The following PPARGC1B variants were observed in gnomAD, a reference collection of about 807,000 sequenced individuals.
PPARGC1B encodes the protein peroxisome proliferator-activated receptor gamma coactivator 1-beta.
PPARGC1B carries 34 observed loss-of-function variants against 101.6 expected under a neutral mutation model. That is an observed-to-expected ratio of 0.33 (90% confidence interval 0.25 to 0.45). The LOEUF is 0.45. Ranked by LOEUF, PPARGC1B falls within the 20% of genes least tolerant of loss-of-function variation. The probability of loss-of-function intolerance (pLI) is 1.00; values close to 1 mark genes in which losing one functional copy is unlikely to be tolerated. For missense variants in PPARGC1B, 1,234 were observed against 1,317.6 expected (o/e 0.94, Z 0.98); for synonymous variants, 548 against 539.3 (o/e 1.02, Z -0.22).
chr5:149,835,487 G>A (rs770809839), intron 7 of PPARGC1B, 122 bp downstream of exon 7: 94 of 844,622 alleles, frequency 1.1e-4, no homozygotes, highest in Non-Finnish European at 1.8e-4. Context: ...CTGCCTTCAC[G>A]GGGCTTATGT....
chr5:149,787,754 T>C (rs1756866625), intron 1 of PPARGC1B, among the ~76,000 whole-genome samples: 1 of 152,198 alleles, frequency 6.6e-6, no homozygotes, highest in Non-Finnish European at 1.5e-5. Flanking sequence ...TGGACTGGGC[T>C]ATGAGCACCC....
chr5:149,749,580 A>G (rs1368108686), intron 1 of PPARGC1B, among the ~76,000 whole-genome samples: 5 of 152,228 alleles, frequency 3.3e-5, no homozygotes, highest in African/African-American at 1.2e-4. Context: ...TGCAACTGTG[A>G]AACGCCCCCA....
chr5:149,798,602 TGG>T (rs1757316481), intron 1 of PPARGC1B, among the ~76,000 whole-genome samples: 1 of 152,180 alleles, frequency 6.6e-6, no homozygotes, highest in South Asian at 2.1e-4. Flanking sequence ...CCTAGGGCCA[TGG>T]GGTGGCCTGA....
chr5:149,808,446 A>T (rs1456154353), intron 1 of PPARGC1B, among the ~76,000 whole-genome samples: 3 of 152,032 alleles, frequency 2.0e-5, no homozygotes, highest in African/African-American at 7.2e-5. Flanking sequence ...GCAACTGATA[A>T]AATGTTGCTC....
intron 3 of PPARGC1B, among the ~76,000 whole-genome samples, chr5:149,830,469 G>A (rs1758736423): frequency 6.6e-6 from 1 of 152,106 alleles, no homozygotes; most frequent in African/African-American, 2.4e-5. Flanking sequence ...CAGTAGAATA[G>A]ACAGACGTTA....
At chr5:149,819,793 A>G (rs1304496778) in intron 1 of PPARGC1B, among the ~76,000 whole-genome samples, 1 of 152,234 alleles carries the variant, frequency 6.6e-6, no homozygotes, top group African/African-American at 2.4e-5. Context: ...ATGAGCCACC[A>G]TGCCCGGCCC....
Position 149,840,132 on chromosome 5 carries a change from G to T in PPARGC1B, c.2694+16G>T, listed in dbSNP as rs1759275065. The T allele has an allele frequency of 1.9e-6, 3 of 1,605,796 alleles. No homozygotes were observed. Among genetic ancestry groups the T allele is most frequent in the Non-Finnish European group, 1.7e-6 (2 of 1,175,830 alleles). The stretch of plus-strand genomic sequence containing the variant: ...AAAGGCCATTGTAAGTGATCTGGGG[G>T]CCCAGAGCCTGGAGTGAATGGGAAC... On this transcript the variant is annotated intron_variant, in intron 9 of 11. Coordinates refer to ENST00000309241, the MANE Select transcript of PPARGC1B (RefSeq NM_133263.4).
rs1759200432 is a variant in PPARGC1B, at chr5:149,838,449, G to C, written c.2618+1376G>C. Among the ~76,000 whole-genome samples, 5 of 152,136 alleles carry C rather than the reference G, an allele frequency of 3.3e-5. No homozygotes were observed. In the South Asian group the frequency reaches 1.0e-3, roughly 32 times the overall value. On this transcript the variant is annotated intron_variant, in intron 8 of 11. Coordinates refer to ENST00000309241, the MANE Select transcript of PPARGC1B (RefSeq NM_133263.4). ...TCTTTCTGGCTCCATTCTTTCCCGG[G>C]GGTAGCTTCTGCCCTACAGTGGTCC...
At chr5:149,755,516 C>T (rs1755484892) in intron 1 of PPARGC1B, among the ~76,000 whole-genome samples, 1 of 152,096 alleles carries the variant, frequency 6.6e-6, no homozygotes. Context: ...GGACTGTGGA[C>T]TTAGCCTTTT....
intron 1 of PPARGC1B, among the ~76,000 whole-genome samples, chr5:149,785,667 A>C (rs1284494571): frequency 6.6e-6 from 1 of 152,178 alleles, no homozygotes; most frequent in Admixed American, 6.5e-5. Flanking sequence ...ACAAAGACAA[A>C]GACCCTCTGT....
chr5:149,750,325 C>G (rs1755239622), intron 1 of PPARGC1B, among the ~76,000 whole-genome samples: 1 of 151,694 alleles, frequency 6.6e-6, no homozygotes, highest in Admixed American at 6.6e-5. Context: ...ATTCAAAATC[C>G]TCTACTGACA....
Position 149,847,891 on chromosome 5 carries a change from C to T in PPARGC1B, c.*333C>T, listed in dbSNP as rs887457018. On this transcript the variant is annotated 3_prime_UTR_variant, in exon 12 of 12. Transcript: ENST00000309241. The stretch of plus-strand genomic sequence containing the variant: ...CGACTGACTTCCTCTCGTAGACTTG[C>T]AGCTGTGTTCACCATAACATTTCTT... The T allele has an allele frequency of 5.9e-6, 2 of 337,468 alleles. No homozygotes were observed. The highest frequency in any genetic ancestry group is 1.1e-5 in the Non-Finnish European group (2 of 183,580). 20.9% of individuals were successfully genotyped at this position (337,468 alleles called of 1,614,324 possible). A position where few individuals can be genotyped will look rare whatever the true frequency, so the allele number is the denominator to read the frequency against.
At chr5:149,819,585 G>A (rs251459) in intron 1 of PPARGC1B, among the ~76,000 whole-genome samples, 37,716 of 151,904 alleles carry the variant, frequency 0.25, 4,938 homozygotes, top group African/African-American at 0.29. Flanking sequence ...TCACTGCAAC[G>A]TCCGCCTCCC....
intron 1 of PPARGC1B, among the ~76,000 whole-genome samples, chr5:149,787,809 T>C (rs1014333797): frequency 3.9e-5 from 6 of 152,196 alleles, no homozygotes; most frequent in Non-Finnish European, 8.8e-5. Context: ...CAAGTTTGGA[T>C]AGAAGATTTT....
chr5:149,745,385 A>G (rs187118686), intron 1 of PPARGC1B, among the ~76,000 whole-genome samples: 2 of 152,308 alleles, frequency 1.3e-5, no homozygotes, highest in East Asian at 3.9e-4. Context: ...TCATAATTAC[A>G]CATCTGGGGC....
chr5:149,837,158 C>A lies in PPARGC1B; in HGVS notation c.2618+85C>A. On this transcript the variant is annotated intron_variant, in intron 8 of 11. Transcript: ENST00000309241. This position sits in a 1 kb window ranked among gnomAD's most constrained non-coding sequence, Gnocchi z 4.2. ...GCCAGGAGCCCCAGGAGGGAGGATCCCTGGGAAGCTTGCTCTGAAACTGAG... is the reference window on the plus strand; with the variant it reads ...GCCAGGAGCCCCAGGAGGGAGGATCACTGGGAAGCTTGCTCTGAAACTGAG... 1.3e-6 allele frequency: 2 copies of A among 1,512,510 alleles called. No homozygotes were observed. Among genetic ancestry groups the A allele is most frequent in the Non-Finnish European group, 1.8e-6 (2 of 1,132,792 alleles). The allele number at this position is 1,512,510 out of a possible 1,614,324, so 93.7% of individuals were successfully genotyped here.
chr5:149,787,600 G>A (rs1456428795), intron 1 of PPARGC1B, among the ~76,000 whole-genome samples: 2 of 152,238 alleles, frequency 1.3e-5, no homozygotes, highest in African/African-American at 4.8e-5. Context: ...AAGTAAGGTT[G>A]TGGGGCCAGC....
chr5:149,833,368 A>C lies in PPARGC1B; in HGVS notation c.1295A>C (p.Glu432Ala). The change falls in exon 5 of 12, where the codon GAA (glutamate) becomes GCA (alanine). Residue 432 changes from glutamate to alanine, a missense_variant. By Grantham distance (107) the Glu-to-Ala change is moderately radical. Coordinates refer to ENST00000309241, the MANE Select transcript of PPARGC1B (RefSeq NM_133263.4). This position sits in a 1 kb window ranked among gnomAD's most constrained non-coding sequence, Gnocchi z 4.1. ...RPARLQQQEE[E>A]DEEEEEEEEE... ...GCCAGACTGCAGCAGCAGGAGGAGG[A>C]AGACGAGGAAGAAGAGGAGGAGGAA... 1 of 1,613,416 alleles carries C rather than the reference A, an allele frequency of 6.2e-7. No homozygotes were observed. The highest frequency in any genetic ancestry group is 8.5e-7 in the Non-Finnish European group (1 of 1,179,968).
intron 10 of PPARGC1B, among the ~76,000 whole-genome samples, chr5:149,842,969 A>C (rs1759408693): frequency 6.6e-6 from 1 of 152,208 alleles, no homozygotes; most frequent in Admixed American, 6.5e-5. Context: ...AGAGTTCAAG[A>C]CCAGCCTGGC....
Sources: allele counts gnomAD v4.1 joint callset (sites outside exome capture counted in the v4.1 genomes callset), GRCh38; gene constraint gnomAD v4.1.1; non-coding constraint Gnocchi (gnomAD v3.1); transcripts MANE v1.5; gene names NCBI Gene and HGNC (gene_info 2026-07-23, HGNC 2026-07-21).